The following NCAPD2 variants were observed in gnomAD, a reference collection of about 807,000 sequenced individuals.
NCAPD2 encodes the protein non-SMC condensin I complex subunit D2.
Under a neutral mutation model 164.5 loss-of-function variants are expected in NCAPD2, and 100 were observed. That is an observed-to-expected ratio of 0.61 (90% confidence interval 0.52 to 0.72). NCAPD2 has a LOEUF of 0.72. Ranked by LOEUF, NCAPD2 falls within the 30% of genes least tolerant of loss-of-function variation. The probability of loss-of-function intolerance (pLI) is 0.00; values close to 1 mark genes in which losing one functional copy is unlikely to be tolerated. For synonymous variants in NCAPD2, 585 were observed against 642.6 expected (o/e 0.91, Z 1.36); for missense variants, 1,560 against 1,749.2 (o/e 0.89, Z 1.93).
At chr12:6,506,899 G>A (rs2137043123) in intron 2 of NCAPD2, among the ~76,000 whole-genome samples, 1 of 152,214 alleles carries the variant, frequency 6.6e-6, no homozygotes, top group Non-Finnish European at 1.5e-5. Flanking sequence ...TAGCATATTA[G>A]TGGACCTACA....
intron 6 of NCAPD2, among the ~76,000 whole-genome samples, chr12:6,511,587 C>A (rs947187625): frequency 1.3e-5 from 2 of 152,060 alleles, no homozygotes; most frequent in Non-Finnish European, 2.9e-5. Flanking sequence ...CTTTGGCCCC[C>A]CAAAGTGCTG....
rs764590915 is a variant in NCAPD2 at position 6,517,598 on chromosome 12, T to C, written c.1323T>C (p.Leu441=). The change falls in exon 12 of 32, where the codon CTT becomes CTC. Residue 441 remains leucine, a splice_region_variant and synonymous_variant. Transcript: ENST00000315579. The part of the protein sequence containing the change: ...FLANNPFSCK[L]SDADLAGPLQ... Reference sequence around the variant, plus strand: ...CTGCTATTCATTTTACCTGATAGCTTAGTGATGCTGACCTTGCCGGACCAC... The same window carrying C: ...CTGCTATTCATTTTACCTGATAGCTCAGTGATGCTGACCTTGCCGGACCAC... 5.6e-6 allele frequency: 9 copies of C among 1,614,152 alleles called. No individual in the cohort carries two copies. Among genetic ancestry groups the C allele is most frequent in the Non-Finnish European group, 7.6e-6 (9 of 1,180,060 alleles).
chr12:6,518,136 T>A, intron 13 of NCAPD2, 177 bp downstream of exon 13: 1 of 551,670 alleles, frequency 1.8e-6, no homozygotes, highest in Non-Finnish European at 3.1e-6. Flanking sequence ...ATTAAGCATG[T>A]GTTTCTACTT....
chr12:6,513,507 C>T (rs1235837964), intron 6 of NCAPD2, among the ~76,000 whole-genome samples: 2 of 151,632 alleles, frequency 1.3e-5, no homozygotes, highest in Admixed American at 1.3e-4. Context: ...AGAGGCAGAC[C>T]CTGTCTCAAA....
At chr12:6,518,521 T>TTTTTTTTG (rs1946232092) in intron 13 of NCAPD2, among the ~76,000 whole-genome samples, 5 of 118,382 alleles carry the variant, frequency 4.2e-5, no homozygotes, top group African/African-American at 1.0e-4. Context: ...TTTTTTTTTT[T>TTTTTTTTG]TTTTTTTTTT....
In NCAPD2 at chr12:6,529,606, C is replaced by T. The variant is rs1265256605; in HGVS notation, c.3653+13C>T. ...TCCGCACATCCCGGTATGCTGCCCT[C>T]CCTGAGGGTTCTTTGTGCTGAGCGG... is the stretch of plus-strand genomic sequence containing the variant. On this transcript the variant is annotated intron_variant, in intron 28 of 31. Transcript: ENST00000315579. The T allele has an allele frequency of 6.2e-7, 1 of 1,614,024 alleles. No homozygotes were observed. The highest frequency in any genetic ancestry group is 2.2e-5 in the East Asian group (1 of 44,888).
chr12:6,522,163 G>A, intron 15 of NCAPD2, 126 bp downstream of exon 15: 1 of 1,063,020 alleles, frequency 9.4e-7, no homozygotes, highest in Non-Finnish European at 1.3e-6. Context: ...CCAACTCCTG[G>A]GCTCAGGCAA....
Position 6,529,822 on chromosome 12 carries a change from C to T in NCAPD2, c.3701C>T (p.Pro1234Leu). ...RDLAYCVSQL[P>L]LTERGLRKML... Reference sequence around the variant, plus strand: ...CTGGCCTACTGTGTGTCACAGCTGCCCCTCACAGAGCGAGGCCTCCGTAAG... The same window carrying T: ...CTGGCCTACTGTGTGTCACAGCTGCTCCTCACAGAGCGAGGCCTCCGTAAG... The change falls in exon 29 of 32, where the codon CCC becomes CTC. Residue 1234 changes from proline (P) to leucine (L), a missense_variant. Coordinates refer to ENST00000315579, the MANE Select transcript of NCAPD2 (RefSeq NM_014865.4). 6.2e-7 allele frequency: 1 copy of T among 1,614,168 alleles called. No homozygotes were observed.
chr12:6,527,183 C>T, intron 22 of NCAPD2, 120 bp downstream of exon 22: 2 of 1,092,582 alleles, frequency 1.8e-6, no homozygotes, highest in Non-Finnish European at 2.5e-6. Flanking sequence ...GTTTCTGCCT[C>T]TCTGTGGCTA....
intron 2 of NCAPD2, among the ~76,000 whole-genome samples, chr12:6,497,008 T>TA (rs1330109383): frequency 1.3e-5 from 2 of 152,220 alleles, no homozygotes; most frequent in African/African-American, 4.8e-5. Context: ...ACCAAAATGT[T>TA]ACAGGGCACA....
rs769029337 is a variant in NCAPD2, at chr12:6,510,778, A to C, written c.412A>C (p.Thr138Pro). The change falls in exon 5 of 32, where the codon ACA (threonine) becomes CCA (proline). Residue 138 changes from threonine (T) to proline (P), a missense_variant. By Grantham distance (38) the Thr-to-Pro change is conservative. Transcript: ENST00000315579. ...ATCCTTTGAGACCATGGCCAGCCAG[A>C]CAAACCTTGTGGACCTGGACCTTGG... Reference protein sequence around the residue: ...LESFETMASQTNLVDLDLGGK... With the variant: ...LESFETMASQPNLVDLDLGGK... The C allele has an allele frequency of 8.1e-6, 13 of 1,614,062 alleles. No individual in the cohort carries two copies. The highest frequency in any genetic ancestry group is 1.0e-5 in the Non-Finnish European group (12 of 1,180,034).
rs746352066 is a variant in NCAPD2, at chr12:6,529,976, C to A, written c.3837+18C>A. The A allele has an allele frequency of 5.0e-6, 8 of 1,604,328 alleles. No individual in the cohort carries two copies. In the Middle Eastern group the frequency reaches 5.0e-4, roughly 100 times the overall value. On this transcript the variant is annotated intron_variant, in intron 29 of 31. Coordinates refer to ENST00000315579, the MANE Select transcript of NCAPD2 (RefSeq NM_014865.4). ...AGGGCAAGGTGAGCAGCACAGGACA[C>A]TTCAATGCCTGTTGGGTTCTGGGCT...
intron 23 of NCAPD2, 37 bp from the exon 24 acceptor site, chr12:6,527,926 TTAAGA>T: frequency 6.2e-7 from 1 of 1,614,100 alleles, no homozygotes; most frequent in South Asian, 1.1e-5. Context: ...TTCTTCCCAA[TTAAGA>T]TAACCTGTCC....
At chr12:6,512,879 C>T (rs1456473028) in intron 6 of NCAPD2, among the ~76,000 whole-genome samples, 1 of 152,140 alleles carries the variant, frequency 6.6e-6, no homozygotes, top group East Asian at 1.9e-4. Context: ...GATTTGCTAA[C>T]AGACTGGGTG....
In NCAPD2 at chr12:6,528,357, G is replaced by A; in HGVS notation, c.3299+29G>A. 6.2e-7 allele frequency: 1 copy of A among 1,612,482 alleles called. No homozygotes were observed. Among genetic ancestry groups the A allele is most frequent in the Non-Finnish European group, 8.5e-7 (1 of 1,179,660 alleles). On this transcript the variant is annotated intron_variant, in intron 25 of 31. Transcript: ENST00000315579. The surrounding 1 kb of genome is among the most constrained non-coding windows in gnomAD (Gnocchi z 5.1). ...AGAGACCCCTCACAACGTGGTGGCA[G>A]TTCCCAGGAGCCCCGGAGTCTGTTG...
intron 13 of NCAPD2, among the ~76,000 whole-genome samples, chr12:6,518,504 G>GTTTTTGTTTTTTTT: frequency 0.011 from 471 of 44,796 alleles, 115 homozygotes; most frequent in African/African-American, 0.013. Context: ...CCGTCAACAA[G>GTTTTTGTTTTTTTT]TTTTTTTTTT....
chr12:6,526,008 T>C, intron 18 of NCAPD2, 60 bp from the exon 19 acceptor site: 2 of 1,589,814 alleles, frequency 1.3e-6, no homozygotes, highest in Non-Finnish European at 8.6e-7. Flanking sequence ...CTATTGGCCC[T>C]TTCTCCCCCG....
At chr12:6,529,279 C>T (rs1946348794) in intron 27 of NCAPD2, 1 of 615,940 alleles carries the variant, frequency 1.6e-6, no homozygotes, top group Admixed American at 2.9e-5. Flanking sequence ...GTAGCACTCA[C>T]TCCCTAGCAG....
Position 6,527,952 on chromosome 12 carries a change from G to T in NCAPD2, c.3020-16G>T. 6.2e-7 allele frequency: 1 copy of T among 1,614,232 alleles called. No homozygotes were observed. Among genetic ancestry groups the T allele is most frequent in the Non-Finnish European group, 8.5e-7 (1 of 1,180,040 alleles). On this transcript the variant is annotated splice_polypyrimidine_tract_variant and intron_variant, in intron 23 of 31. Transcript: ENST00000315579. ...TAAGATAACCTGTCCCAAACCTGCA[G>T]TTACTCTTCCAACAGGCAAACAGAC...
Sources: gnomAD v4.1 joint callset for allele counts (sites outside exome capture counted in the v4.1 genomes callset) on GRCh38, gnomAD v4.1.1 for gene constraint, Gnocchi (gnomAD v3.1) non-coding constraint, MANE v1.5 for transcripts, NCBI Gene and HGNC (gene_info 2026-07-23, HGNC 2026-07-21) for gene names.